The following RGPD4 variants were observed in gnomAD, a reference collection of about 807,000 sequenced individuals.
The protein encoded by RGPD4 is ranBP2-like and GRIP domain-containing protein 4.
In RGPD4, 84 loss-of-function variants were observed where a neutral mutation model predicts 141.1. The ratio of observed to expected loss-of-function variants is 0.60; its 90% CI spans 0.50 to 0.71. The LOEUF (loss-of-function observed/expected upper bound fraction) is 0.71, where lower values mean the gene tolerates loss of function less well. Ranked by LOEUF, RGPD4 falls within the 30% of genes least tolerant of loss-of-function variation. The pLI is 0.00. For missense variants in RGPD4, 918 were observed against 1,622.4 expected (o/e 0.57, Z 7.46); for synonymous variants, 298 against 566.8 (o/e 0.53, Z 6.74).
In RGPD4 at chr2:107,826,986, G is replaced by C. The variant is rs556540233; in HGVS notation, c.-28G>C. ...CTGCGGGGCTGAGCGCTGGTTTCAC[G>C]CGTCTCGGGAGCCAGGTTGGTGGCG... On this transcript the variant is annotated 5_prime_UTR_variant, in exon 1 of 23. Coordinates refer to ENST00000408999, the MANE Select transcript of RGPD4 (RefSeq NM_182588.3). The C allele has an allele frequency of 4.4e-6, 7 of 1,588,566 alleles. No individual in the cohort carries two copies. The highest frequency in any genetic ancestry group is 3.5e-5 in the Admixed American group (2 of 56,452).
intron 20 of RGPD4, among the ~76,000 whole-genome samples, chr2:107,873,808 T>C (rs1683012737): frequency 6.6e-6 from 1 of 150,948 alleles, no homozygotes; most frequent in African/African-American, 2.5e-5. Context: ...TTTTCTAGGA[T>C]TTAATTTTAG....
intron 7 of RGPD4, among the ~76,000 whole-genome samples, chr2:107,849,354 C>T (rs1275934438): frequency 4.2e-4 from 30 of 71,514 alleles, no homozygotes; most frequent in African/African-American, 1.5e-3. Context: ...GCGCCTGGCG[C>T]GCCTGGCCTT....
At chr2:107,888,677 T>C (rs1026046317) in intron 22 of RGPD4, among the ~76,000 whole-genome samples, 1 of 132,718 alleles carries the variant, frequency 7.5e-6, no homozygotes, top group Non-Finnish European at 1.6e-5. Context: ...TTACAAGAGA[T>C]TGTGGCTTCT....
intron 20 of RGPD4, among the ~76,000 whole-genome samples, chr2:107,875,241 A>T (rs1324102725): frequency 1.5e-5 from 1 of 68,334 alleles, no homozygotes; most frequent in East Asian, 2.2e-4. Flanking sequence ...AAAAAGGGAA[A>T]CAGATGAAAG....
chr2:107,880,150 G>C, intron 21 of RGPD4, 43 bp downstream of exon 21: 4 of 1,608,942 alleles, frequency 2.5e-6, no homozygotes, highest in Non-Finnish European at 3.4e-6. Flanking sequence ...TGCCAATTTG[G>C]TTTTCTGGAC....
intron 22 of RGPD4, among the ~76,000 whole-genome samples, chr2:107,884,417 T>G (rs950060770): frequency 3.3e-5 from 5 of 151,726 alleles, no homozygotes; most frequent in Admixed American, 3.3e-4. Flanking sequence ...TGTTTTTTTA[T>G]CTATAACAAT....
intron 17 of RGPD4, among the ~76,000 whole-genome samples, chr2:107,863,583 C>A (rs1682631126): frequency 6.6e-6 from 1 of 151,592 alleles, no homozygotes; most frequent in Admixed American, 6.6e-5. Context: ...ACCTCCACCT[C>A]CCAGGTTCAA....
At chr2:107,867,226 T>G (rs1380092571) in intron 18 of RGPD4, among the ~76,000 whole-genome samples, 1 of 151,482 alleles carries the variant, frequency 6.6e-6, no homozygotes, top group Non-Finnish European at 1.5e-5. Flanking sequence ...AAATTGTTCC[T>G]TTTATGTACG....
At chr2:107,833,422 A>T (rs1681564089) in intron 1 of RGPD4, among the ~76,000 whole-genome samples, 1 of 151,434 alleles carries the variant, frequency 6.6e-6, no homozygotes, top group African/African-American at 2.4e-5. Context: ...AGCTTAAGTG[A>T]ATTCAGGTAT....
chr2:107,861,693 A>C lies in RGPD4; in HGVS notation c.2158A>C (p.Ile720Leu). The C allele has an allele frequency of 6.2e-7, 1 of 1,600,480 alleles. No homozygotes were observed. The highest frequency in any genetic ancestry group is 1.7e-5 in the Admixed American group (1 of 58,966). The change falls in exon 15 of 23, where the codon ATA becomes CTA. Residue 720 changes from isoleucine to leucine, a missense_variant. By Grantham distance (5) the Ile-to-Leu change is conservative. Transcript: ENST00000408999. Reference protein sequence around the residue: ...NYLRKTRGYLIKILDDSDSNL... With the variant: ...NYLRKTRGYLLKILDDSDSNL... ...TCTGAGAAAGACCAGGGGCTACCTAATAAAGATTTTAGATGACAGTGATTC... is the reference window on the plus strand; with the variant it reads ...TCTGAGAAAGACCAGGGGCTACCTACTAAAGATTTTAGATGACAGTGATTC...
intron 21 of RGPD4, among the ~76,000 whole-genome samples, chr2:107,881,268 C>T (rs922255438): frequency 2.0e-4 from 30 of 150,338 alleles, no homozygotes; most frequent in Non-Finnish European, 3.4e-4. Flanking sequence ...ATTATCATAG[C>T]TAACAAATCA....
chr2:107,884,188 G>A (rs974871901), intron 22 of RGPD4, among the ~76,000 whole-genome samples: 2 of 151,952 alleles, frequency 1.3e-5, no homozygotes, highest in African/African-American at 4.8e-5. Context: ...ATGGCTCACT[G>A]CAACCTCCGC....
chr2:107,880,778 T>C (rs3906785), intron 21 of RGPD4, among the ~76,000 whole-genome samples: 1 of 146,670 alleles, frequency 6.8e-6, no homozygotes, highest in Non-Finnish European at 1.5e-5. Context: ...TAAACAGTTT[T>C]CAGGTGGAGA....
intron 12 of RGPD4, 114 bp from the exon 13 acceptor site, chr2:107,860,652 G>T: frequency 1.4e-6 from 2 of 1,439,058 alleles, no homozygotes; most frequent in Non-Finnish European, 1.9e-6. Context: ...TGACTATTGA[G>T]GTACCATTTG....
At chr2:107,870,670 T>C (rs1682872624) in intron 19 of RGPD4, 35 bp from the exon 20 acceptor site, 1 of 1,524,204 alleles carries the variant, frequency 6.6e-7, no homozygotes, top group Non-Finnish European at 9.0e-7. Flanking sequence ...TTTGGGCATG[T>C]GGATCAAGAA....
chr2:107,828,297 C>G (rs1681310401), intron 1 of RGPD4, among the ~76,000 whole-genome samples: 1 of 37,006 alleles, frequency 2.7e-5, no homozygotes, highest in Non-Finnish European at 5.7e-5. Context: ...TGCTCCCTGG[C>G]GCGCTCTGTT....
chr2:107,889,976 G>A (rs1297140692), intron 22 of RGPD4, among the ~76,000 whole-genome samples: 1 of 147,268 alleles, frequency 6.8e-6, no homozygotes, highest in Non-Finnish European at 1.5e-5. Context: ...TAATGTTCAA[G>A]AACAGACATT....
intron 20 of RGPD4, 37 bp downstream of exon 20, chr2:107,872,965 C>G: frequency 7.6e-7 from 1 of 1,321,542 alleles, no homozygotes; most frequent in South Asian, 1.3e-5. Context: ...CACAATTTTT[C>G]TTTCTTTTAA....
chr2:107,887,693 GGT>G (rs1193724840), intron 22 of RGPD4, among the ~76,000 whole-genome samples: 2 of 116,830 alleles, frequency 1.7e-5, no homozygotes, highest in Admixed American at 9.4e-5. Flanking sequence ...AATAGACAGT[GGT>G]AAGTATAGAT....
Sources: gnomAD v4.1 joint callset for allele counts (sites outside exome capture counted in the v4.1 genomes callset) on GRCh38, gnomAD v4.1.1 for gene constraint, MANE v1.5 for transcripts, NCBI Gene and HGNC (gene_info 2026-07-23, HGNC 2026-07-21) for gene names.